MEP1B: variants seen among roughly 807,000 people sequenced by gnomAD.
The protein encoded by MEP1B is N-benzoyl-L-tyrosyl-P-amino-benzoic acid hydrolase subunit beta.
Under a neutral mutation model 84.6 loss-of-function variants are expected in MEP1B, and 80 were observed. That is an observed-to-expected ratio of 0.95 (90% CI 0.79 to 1.14). The LOEUF is 1.14. Among genes scored for constraint, MEP1B ranks in the 50% most tolerant of loss-of-function variants. The pLI, the probability that MEP1B is intolerant of heterozygous loss-of-function variation, is 0.00. For missense variants in MEP1B, 766 were observed against 855.1 expected (o/e 0.90, Z 1.30); for synonymous variants, 273 against 288.1 (o/e 0.95, Z 0.53).
intron 7 of MEP1B, among the ~76,000 whole-genome samples, chr18:32,205,208 G>C (rs2040952308): frequency 6.6e-6 from 1 of 152,098 alleles, no homozygotes; most frequent in South Asian, 2.1e-4. Context: ...TAGAGTATTT[G>C]GATTTATTGT....
chr18:32,220,302 A>T lies in MEP1B; in HGVS notation c.*57A>T, dbSNP rs555298403. The T allele has an allele frequency of 2.3e-5, 36 of 1,542,890 alleles. No individual in the cohort carries two copies. The African/African-American group carries it at 4.6e-4, about 20-fold the overall frequency. ...AATTAAAAAGGATTCTTCATCATGG[A>T]TTTCGCCTAAGTGATATTACAGCCA... is the stretch of plus-strand genomic sequence containing the variant. On this transcript the variant is annotated 3_prime_UTR_variant, in exon 15 of 15. Transcript: ENST00000269202.
intron 6 of MEP1B, 99 bp downstream of exon 6, chr18:32,203,109 G>A (rs1463926123): frequency 7.8e-6 from 5 of 642,622 alleles, no homozygotes; most frequent in Non-Finnish European, 1.3e-5. Context: ...CTTTAGGAAG[G>A]GGTGGGGACT....
chr18:32,204,076 G>A lies in MEP1B; in HGVS notation c.369-106G>A. ...ACAGTGTTCAGATGTAAGAGCAAAG[G>A]TGGGTAATGAAGTGGGTAATGAAGT... On this transcript the variant is annotated intron_variant, in intron 6 of 14. Transcript: ENST00000269202. 3 of 888,342 alleles carry A rather than the reference G, an allele frequency of 3.4e-6. No homozygotes were observed. In the South Asian group the frequency reaches 4.7e-5, roughly 14 times the overall value. 55.0% of individuals were successfully genotyped at this position (888,342 alleles called of 1,614,324 possible).
chr18:32,206,061 A>C (rs1474030751), intron 7 of MEP1B, among the ~76,000 whole-genome samples: 2 of 152,004 alleles, frequency 1.3e-5, no homozygotes, highest in Non-Finnish European at 2.9e-5. Context: ...GGCTCACTGC[A>C]ACCTCCACCT....
chr18:32,208,928 T>C (rs781116906), intron 9 of MEP1B, among the ~76,000 whole-genome samples: 12 of 152,186 alleles, frequency 7.9e-5, no homozygotes, highest in Non-Finnish European at 1.5e-4. Context: ...TTTCCTTTTA[T>C]TTTTCTTTTT....
chr18:32,196,110 GGT>G lies in MEP1B; in HGVS notation c.250+627_250+628del. 1 of 493,854 alleles carries G rather than the reference GGT, an allele frequency of 2.0e-6. No homozygotes were observed. Among genetic ancestry groups the G allele is most frequent in the South Asian group, 2.0e-5 (1 of 50,330 alleles). 30.6% of individuals were successfully genotyped at this position (493,854 alleles called of 1,614,324 possible). ...CTGGTGCCCCCGCTGGCTCGGGCTC[GGT>G]GGCCTTGGGCTCCTTGGCCTCATCC... On this transcript the variant is annotated intron_variant, in intron 5 of 14. Coordinates refer to ENST00000269202, the MANE Select transcript of MEP1B (RefSeq NM_005925.3). This position sits in a 1 kb window ranked among gnomAD's most constrained non-coding sequence, Gnocchi z 4.4.
At chr18:32,220,169 T>C in intron 14 of MEP1B, 62 bp from the exon 15 acceptor site, 1 of 1,428,158 alleles carries the variant, frequency 7.0e-7, no homozygotes, top group Non-Finnish European at 9.7e-7. Context: ...TTATTATGAT[T>C]CATTTAAATA....
At position 32,196,135 on chromosome 18, in the gene MEP1B, T is replaced by A; in HGVS notation, c.250+650T>A. The A allele has an allele frequency of 1.8e-6, 1 of 561,102 alleles. No individual in the cohort carries two copies. The highest frequency in any genetic ancestry group is 3.3e-6 in the Non-Finnish European group (1 of 302,288). The allele number at this position is 561,102 out of a possible 1,614,324, so 34.8% of individuals were successfully genotyped here. A position where few individuals can be genotyped will look rare whatever the true frequency, so the allele number is the denominator to read the frequency against. ...GGTGGCCTTGGGCTCCTTGGCCTCA[T>A]CCCTGTTTCTGCTGGCCTTCTGGAG... On this transcript the variant is annotated intron_variant, in intron 5 of 14. Coordinates refer to ENST00000269202, the MANE Select transcript of MEP1B (RefSeq NM_005925.3). This position sits in a 1 kb window ranked among gnomAD's most constrained non-coding sequence, Gnocchi z 4.4.
At chr18:32,192,354 T>A (rs2040810003) in intron 2 of MEP1B, among the ~76,000 whole-genome samples, 1 of 152,144 alleles carries the variant, frequency 6.6e-6, no homozygotes, top group African/African-American at 2.4e-5. Flanking sequence ...TTCTAGTCTT[T>A]CAAATTATGC....
At chr18:32,216,868 TAA>T (rs878936397) in intron 12 of MEP1B, 121 bp from the exon 13 acceptor site, 989 of 950,868 alleles carry the variant, frequency 1.0e-3, no homozygotes, top group South Asian at 1.3e-3. Context: ...ATCTCACCTC[TAA>T]AAAAAAAAAA....
intron 12 of MEP1B, among the ~76,000 whole-genome samples, chr18:32,215,655 T>G (rs2144430865): frequency 6.6e-6 from 1 of 152,116 alleles, no homozygotes; most frequent in Middle Eastern, 3.4e-3. Flanking sequence ...AAACCCTGTC[T>G]CTACTAAAAA....
intron 1 of MEP1B, 67 bp downstream of exon 1, chr18:32,190,200 C>A: frequency 1.8e-6 from 2 of 1,129,388 alleles, no homozygotes; most frequent in Admixed American, 2.3e-5. Flanking sequence ...TGTTAAAGAA[C>A]AAGTGTTTTT....
At chr18:32,214,962 T>C in intron 11 of MEP1B, 120 bp from the exon 12 acceptor site, 2 of 713,932 alleles carry the variant, frequency 2.8e-6, no homozygotes, top group Non-Finnish European at 4.8e-6. Flanking sequence ...CACAGGTCAA[T>C]AGCATCATTT....
intron 5 of MEP1B, among the ~76,000 whole-genome samples, chr18:32,199,287 T>C (rs2040885266): frequency 6.6e-6 from 1 of 152,188 alleles, no homozygotes; most frequent in African/African-American, 2.4e-5. Context: ...ATAGAGCAGG[T>C]GCTCCATAGA....
chr18:32,213,087 T>A (rs1161657187), intron 10 of MEP1B, 29 bp from the exon 11 acceptor site: 1 of 1,593,412 alleles, frequency 6.3e-7, no homozygotes, highest in South Asian at 1.1e-5. Context: ...AACTTCTTTG[T>A]CTTTGAAATA....
At chr18:32,195,379 C>T in intron 4 of MEP1B, 28 bp from the exon 5 acceptor site, 1 of 1,444,022 alleles carries the variant, frequency 6.9e-7, no homozygotes, top group Non-Finnish European at 9.7e-7. Context: ...ATTTGTTTAA[C>T]TAGCCCTTTT....
chr18:32,208,245 A>G lies in MEP1B; in HGVS notation c.893A>G (p.Asp298Gly). The G allele has an allele frequency of 1.2e-6, 2 of 1,613,930 alleles. No individual in the cohort carries two copies. Among genetic ancestry groups the G allele is most frequent in the Non-Finnish European group, 1.7e-6 (2 of 1,179,840 alleles). The change falls in exon 9 of 15, where the codon GAT becomes GGT. Residue 298 changes from aspartate to glycine, a missense_variant. Physicochemically the swap from Asp to Gly is moderately conservative, Grantham distance 94. Coordinates refer to ENST00000269202, the MANE Select transcript of MEP1B (RefSeq NM_005925.3). ...VSQVPRGPES[D>G]HSNMGQCQGS... The stretch of plus-strand genomic sequence containing the variant: ...CAGGTTCCCAGGGGGCCAGAGAGTG[A>G]TCACTCCAACATGGGCCAGTGCCAA...
Position 32,213,111 on chromosome 18 carries a change from T to C in MEP1B, c.1136-5T>C, listed in dbSNP as rs1329198022. On this transcript the variant is annotated splice_polypyrimidine_tract_variant and splice_region_variant and intron_variant, in intron 10 of 14. Coordinates refer to ENST00000269202, the MANE Select transcript of MEP1B (RefSeq NM_005925.3). Reference sequence around the variant, plus strand: ...GTCTTTGAAATAATAATGACTCTTTTGCAGAAATACCCACTGGGAGCTGGC... The same window carrying C: ...GTCTTTGAAATAATAATGACTCTTTCGCAGAAATACCCACTGGGAGCTGGC... 10 of 1,610,578 alleles carry C rather than the reference T, an allele frequency of 6.2e-6. No individual in the cohort carries two copies. Among genetic ancestry groups the C allele is most frequent in the Non-Finnish European group, 8.5e-6 (10 of 1,177,248 alleles).
intron 4 of MEP1B, among the ~76,000 whole-genome samples, chr18:32,194,830 T>A (rs1428911753): frequency 1.3e-5 from 2 of 152,156 alleles, no homozygotes; most frequent in African/African-American, 4.8e-5. Context: ...TTAAACATTT[T>A]TTTTTTTACA....
Sources: allele counts gnomAD v4.1 joint callset (sites outside exome capture counted in the v4.1 genomes callset), GRCh38; gene constraint gnomAD v4.1.1; non-coding constraint Gnocchi (gnomAD v3.1); transcripts MANE v1.5; gene names NCBI Gene and HGNC (gene_info 2026-07-23, HGNC 2026-07-21).